The following ANKRD27 variants were observed in gnomAD, a reference collection of about 807,000 sequenced individuals.
The protein encoded by ANKRD27 is ankyrin repeat domain 27.
ANKRD27 carries 112 observed loss-of-function variants against 129.7 expected under a neutral mutation model. The observed-to-expected ratio is 0.86, with a 90% CI of 0.74 to 1.01. ANKRD27 has a LOEUF of 1.01. Ranked by LOEUF, ANKRD27 falls within the 50% of genes least tolerant of loss-of-function variation. ANKRD27 has a pLI of 0.00. For synonymous variants in ANKRD27, 516 were observed against 511.2 expected, an observed-to-expected ratio of 1.01 and a Z score of -0.13; for missense variants, 1,258 against 1,300.5, an observed-to-expected ratio of 0.97 and a Z score of 0.50.
At chr19:32,660,253 G>A (rs259253) in intron 1 of ANKRD27, among the ~76,000 whole-genome samples, 109,727 of 152,152 alleles carry the variant, frequency 0.72, 39,647 homozygotes, top group Non-Finnish European at 0.74. Context: ...ATCAGTGCCC[G>A]TAATTATGCA....
intron 20 of ANKRD27, among the ~76,000 whole-genome samples, chr19:32,618,643 G>C (rs923499482): frequency 1.3e-5 from 2 of 152,036 alleles, no homozygotes; most frequent in Non-Finnish European, 2.9e-5. Flanking sequence ...AGCATGTCAC[G>C]GCTTGTGGGT....
chr19:32,617,220 T>A (rs1045778635), intron 21 of ANKRD27, among the ~76,000 whole-genome samples: 3 of 152,168 alleles, frequency 2.0e-5, no homozygotes, highest in African/African-American at 4.8e-5. Flanking sequence ...GGGTGGCTGT[T>A]TTAAGCTAGA....
intron 2 of ANKRD27, among the ~76,000 whole-genome samples, chr19:32,657,452 G>C (rs1433382587): frequency 7.3e-6 from 1 of 137,752 alleles, no homozygotes; most frequent in Non-Finnish European, 1.5e-5. Context: ...ACAGAGCAAG[G>C]CTCTGTCTCA....
At chr19:32,640,426 C>A in intron 10 of ANKRD27, 41 bp from the exon 11 acceptor site, 3 of 1,571,688 alleles carry the variant, frequency 1.9e-6, no homozygotes, top group South Asian at 2.2e-5. Context: ...TCATGAGATT[C>A]AAATGGACTG....
chr19:32,642,212 G>GC, intron 9 of ANKRD27, 67 bp from the exon 10 acceptor site: 1 of 1,343,736 alleles, frequency 7.4e-7, no homozygotes, highest in East Asian at 2.7e-5. Context: ...CTGGATCTAA[G>GC]AACACATCTC....
At chr19:32,617,832 G>A (rs1427943356) in intron 20 of ANKRD27, among the ~76,000 whole-genome samples, 199 bp from the exon 21 acceptor site, 3 of 148,928 alleles carry the variant, frequency 2.0e-5, no homozygotes, top group Non-Finnish European at 3.0e-5. Flanking sequence ...TCGGCTCACC[G>A]CAACCTCCGC....
rs1163449128 is a variant in ANKRD27, at chr19:32,597,502, A to C, written c.*643T>G. 6.5e-6 allele frequency: 1 copy of C among 153,638 alleles called. No homozygotes were observed. The highest frequency in any genetic ancestry group is 1.5e-5 in the Non-Finnish European group (1 of 68,822). The allele number at this position is 153,638 out of a possible 1,614,324, so 9.5% of individuals were successfully genotyped here. On this transcript the variant is annotated 3_prime_UTR_variant, in exon 29 of 29. Coordinates refer to ENST00000306065, the MANE Select transcript of ANKRD27 (RefSeq NM_032139.3). ...GTGTAGTAACCGAATATCTGTACCT[A>C]CTTGTTAGAAGGAAAATGATAACCA...
At chr19:32,618,171 CA>C (rs1971951061) in intron 20 of ANKRD27, among the ~76,000 whole-genome samples, 1 of 151,360 alleles carries the variant, frequency 6.6e-6, no homozygotes, top group Non-Finnish European at 1.5e-5. Context: ...GTAACTTTAT[CA>C]GTGGAATTGT....
At chr19:32,618,199 A>G (rs1214116346) in intron 20 of ANKRD27, among the ~76,000 whole-genome samples, 1 of 152,006 alleles carries the variant, frequency 6.6e-6, no homozygotes, top group African/African-American at 2.4e-5. Context: ...GTATATGTAT[A>G]TTTATATGTA....
In ANKRD27 at chr19:32,625,925, G is replaced by A. The variant is rs2145281331; in HGVS notation, c.1578C>T (p.Asp526=). Residue 526 remains aspartate (D), a synonymous_variant, in exon 17 of 29, where the codon GAC becomes GAT. Coordinates refer to ENST00000306065, the MANE Select transcript of ANKRD27 (RefSeq NM_032139.3). The stretch of plus-strand genomic sequence containing the variant: ...GGTGGAGTGGCGTATTCCCATTGTT[G>A]TCCTGCACTTCCGCGCTGGCCTTGT... The part of the protein sequence containing the change: ...LHYKASAEVQ[D]NNGNTPLHLA... The A allele has an allele frequency of 6.2e-7, 1 of 1,611,852 alleles. No homozygotes were observed. The highest frequency in any genetic ancestry group is 2.2e-5 in the East Asian group (1 of 44,744).
At position 32,646,625 on chromosome 19, in the gene ANKRD27, A is replaced by C. The variant is rs774576032; in HGVS notation, c.214-10T>G. 4 of 1,611,320 alleles carry C rather than the reference A, an allele frequency of 2.5e-6. No homozygotes were observed. The East Asian group carries it at 8.9e-5, about 36-fold the overall frequency. On this transcript the variant is annotated splice_polypyrimidine_tract_variant and intron_variant, in intron 3 of 28. Transcript: ENST00000306065. The stretch of plus-strand genomic sequence containing the variant: ...CTTGAATAAAGACATCCTGGAAACA[A>C]GAAAGCCATCACTGCACCAGCAGCC...
At chr19:32,626,675 C>A in intron 16 of ANKRD27, 37 bp downstream of exon 16, 1 of 1,511,398 alleles carries the variant, frequency 6.6e-7, no homozygotes. Context: ...CTCACAGGAG[C>A]AAAGCGACAG....
intron 20 of ANKRD27, among the ~76,000 whole-genome samples, chr19:32,619,028 T>C (rs1309430509): frequency 6.6e-6 from 1 of 152,218 alleles, no homozygotes; most frequent in African/African-American, 2.4e-5. Context: ...ACCACACTAA[T>C]TGCTGCTCAG....
intron 2 of ANKRD27, among the ~76,000 whole-genome samples, chr19:32,653,820 T>A (rs259243): frequency 0.012 from 1,754 of 151,396 alleles, 41 homozygotes; most frequent in African/African-American, 0.04. Context: ...CAGGGCCACA[T>A]GGAGATGAGG....
Position 32,643,424 on chromosome 19 carries a change from C to T in ANKRD27, c.639+7G>A. ...TGTGCCTCCCAGCCACTCCGCCCCA[C>T]CCTCACCTCCACTGCCTGCTTCATC... On this transcript the variant is annotated splice_region_variant and intron_variant, in intron 7 of 28. Coordinates refer to ENST00000306065, the MANE Select transcript of ANKRD27 (RefSeq NM_032139.3). The T allele has an allele frequency of 3.7e-6, 6 of 1,613,876 alleles. No homozygotes were observed. Among genetic ancestry groups the T allele is most frequent in the Non-Finnish European group, 4.2e-6 (5 of 1,180,000 alleles).
intron 20 of ANKRD27, 78 bp downstream of exon 20, chr19:32,619,182 C>A: frequency 2.6e-6 from 4 of 1,534,508 alleles, no homozygotes; most frequent in Non-Finnish European, 2.6e-6. Flanking sequence ...CCTTGTCAGG[C>A]CACGGCTCTT....
At chr19:32,629,763 G>A (rs533496981) in intron 13 of ANKRD27, among the ~76,000 whole-genome samples, 5 of 151,100 alleles carry the variant, frequency 3.3e-5, no homozygotes, top group South Asian at 4.2e-4. Flanking sequence ...TAGGAATGGC[G>A]GGCAGACAAC....
intron 2 of ANKRD27, among the ~76,000 whole-genome samples, chr19:32,650,482 T>TCAC (rs772426922): frequency 3.2e-4 from 49 of 152,082 alleles, no homozygotes; most frequent in Non-Finnish European, 5.7e-4. Flanking sequence ...AGGTCAGCAG[T>TCAC]TTGAGACCAG....
intron 4 of ANKRD27, among the ~76,000 whole-genome samples, 198 bp downstream of exon 4, chr19:32,646,258 CAGG>C (rs1967300797): frequency 6.6e-6 from 1 of 151,560 alleles, no homozygotes; most frequent in Non-Finnish European, 1.5e-5. Context: ...TTTATAGAGA[CAGG>C]GTCTCACTAT....
Sources: gnomAD v4.1 joint callset for allele counts (sites outside exome capture counted in the v4.1 genomes callset) on GRCh38, gnomAD v4.1.1 for gene constraint, MANE v1.5 for transcripts, NCBI Gene and HGNC (gene_info 2026-07-23, HGNC 2026-07-21) for gene names.